Variants in RBM25 observed in about 807,000 individuals in gnomAD.
RBM25 encodes the protein RNA-binding protein 25.
RBM25 carries 19 observed loss-of-function variants against 120.7 expected under a neutral mutation model. The observed-to-expected ratio is 0.16, with a 90% confidence interval of 0.11 to 0.23. The LOEUF (loss-of-function observed/expected upper bound fraction) is 0.23. Ranked by LOEUF, RBM25 falls within the 10% of genes least tolerant of loss-of-function variation. The pLI, the probability that RBM25 is intolerant of heterozygous loss-of-function variation, is 1.00. For missense variants in RBM25, 605 were observed against 1,041.5 expected (o/e 0.58, Z 5.77); for synonymous variants, 390 against 326.7 (o/e 1.19, Z -2.09).
chr14:73,107,668 C>T, intron 12 of RBM25, 158 bp from the exon 13 acceptor site: 1 of 616,402 alleles, frequency 1.6e-6, no homozygotes, highest in Non-Finnish European at 2.8e-6. Flanking sequence ...TTGAAACGGC[C>T]ATGTTTGTCT....
intron 17 of RBM25, among the ~76,000 whole-genome samples, chr14:73,113,898 A>T (rs1189971171): frequency 6.6e-6 from 1 of 152,198 alleles, no homozygotes; most frequent in Non-Finnish European, 1.5e-5. Flanking sequence ...CTGAAAACAT[A>T]GTCTTAACTT....
chr14:73,096,541 A>G (rs1300324350), intron 6 of RBM25, among the ~76,000 whole-genome samples: 1 of 152,166 alleles, frequency 6.6e-6, no homozygotes, highest in Non-Finnish European at 1.5e-5. Context: ...TTAAAATTGT[A>G]TTTTGCCTTT....
intron 3 of RBM25, among the ~76,000 whole-genome samples, chr14:73,076,962 T>C (rs920789129): frequency 1.3e-5 from 2 of 152,212 alleles, no homozygotes; most frequent in African/African-American, 2.4e-5. Flanking sequence ...GCGCCTGTAA[T>C]CTCAGCTACT....
chr14:73,090,300 C>T (rs1024920476), intron 6 of RBM25, among the ~76,000 whole-genome samples: 2 of 152,112 alleles, frequency 1.3e-5, no homozygotes, highest in Non-Finnish European at 2.9e-5. Flanking sequence ...ATCCACCCAC[C>T]TCGGCCTCTC....
chr14:73,088,878 C>T (rs996471634), intron 6 of RBM25, among the ~76,000 whole-genome samples: 14 of 152,274 alleles, frequency 9.2e-5, no homozygotes, highest in Admixed American at 2.0e-4. Context: ...CGGTGGCTCA[C>T]GCCTGTAATC....
Position 73,097,202 on chromosome 14 carries a change from T to TC in RBM25, c.729+102_729+103insC. 1.3e-5 allele frequency: 9 copies of TC among 699,620 alleles called. No individual in the cohort carries two copies. The African/African-American group carries it at 1.5e-4, about 11-fold the overall frequency. The allele number at this position is 699,620 out of a possible 1,614,324, so 43.3% of individuals were successfully genotyped here. ...CAGTTTTCTTTTTTCTTTTCTTTTT[T>TC]TTTTTTTTTTTTTTTTGAGATGGAG... On this transcript the variant is annotated intron_variant, in intron 7 of 18. Coordinates refer to ENST00000261973, the MANE Select transcript of RBM25 (RefSeq NM_021239.3).
rs144903462 is a variant in RBM25 at position 73,107,007 on chromosome 14, T to C, written c.1467+722T>C. On this transcript the variant is annotated intron_variant, in intron 12 of 18. Transcript: ENST00000261973. ...GGCGTGTGCCACAACACCCAGCTAA[T>C]ATTTTGTATTTTTAGTAGAGACGGA... 6.7e-3 allele frequency among the ~76,000 whole-genome samples: 1,010 copies of C among 151,670 alleles called. 10 individuals carry two copies. Among genetic ancestry groups the C allele is most frequent in the African/African-American group, 0.023 (970 of 41,348 alleles).
intron 18 of RBM25, among the ~76,000 whole-genome samples, 153 bp from the exon 19 acceptor site, chr14:73,119,560 C>T (rs1475806972): frequency 2.0e-5 from 3 of 152,192 alleles, no homozygotes; most frequent in East Asian, 1.9e-4. Context: ...CCACCACACC[C>T]GGCCACTAAA....
Position 73,077,390 on chromosome 14 carries a change from A to G in RBM25, c.178A>G (p.Met60Val), listed in dbSNP as rs367557836. 9 of 1,612,850 alleles carry G rather than the reference A, an allele frequency of 5.6e-6. No homozygotes were observed. The highest frequency in any genetic ancestry group is 1.3e-5 in the African/African-American group (1 of 74,840). Residue 60 changes from methionine (M) to valine (V), a missense_variant, in exon 4 of 19, where the codon ATG (methionine) becomes GTG (valine). This residue lies in a region of RBM25 where 90 missense variants were observed against 107.3 expected (regional missense o/e 0.84). Coordinates refer to ENST00000261973, the MANE Select transcript of RBM25 (RefSeq NM_021239.3). ...TTAGGTCTTAGTACCCACTGTGTCT[A>G]TGGTTGGAAAGCATTTGGGCGCAAG... ...APTVLVPTVS[M>V]VGKHLGARKD...
rs781010315 is a variant in RBM25, at chr14:73,106,002, GAGA to G, written c.1305_1307del (p.Glu435del). The G allele has an allele frequency of 1.9e-6, 3 of 1,613,808 alleles. No individual in the cohort carries two copies. Among genetic ancestry groups the G allele is most frequent in the East Asian group, 2.2e-5 (1 of 44,888 alleles). On this transcript the variant is annotated inframe_deletion, in exon 11 of 19. Transcript: ENST00000261973. ...AGAGAAAAAGACAAAAAACGGGACC[GAGA>G]AGAAGATGAAGAAGATGCATACGAA...
intron 5 of RBM25, among the ~76,000 whole-genome samples, chr14:73,087,722 A>G (rs1054184498): frequency 6.6e-6 from 1 of 152,162 alleles, no homozygotes; most frequent in African/African-American, 2.4e-5. Flanking sequence ...CATGAATTTC[A>G]TTGACTCTGC....
At position 73,106,145 on chromosome 14, in the gene RBM25, A is replaced by G. The variant is rs1468875936; in HGVS notation, c.1378-51A>G. ...TCCCTTAATAGGTTAATCAATATTT[A>G]TAGAATGCTATGTATAAATTTTTAA... is the stretch of plus-strand genomic sequence containing the variant. On this transcript the variant is annotated intron_variant, in intron 11 of 18. Coordinates refer to ENST00000261973, the MANE Select transcript of RBM25 (RefSeq NM_021239.3). 5.7e-6 allele frequency: 9 copies of G among 1,581,168 alleles called. No individual in the cohort carries two copies. In the South Asian group the frequency reaches 7.1e-5, roughly 12 times the overall value.
chr14:73,094,283 T>C (rs1895886380), intron 6 of RBM25, among the ~76,000 whole-genome samples: 1 of 151,690 alleles, frequency 6.6e-6, no homozygotes, highest in Non-Finnish European at 1.5e-5. Context: ...TTATTGTTTT[T>C]TTTTTAAATA....
intron 6 of RBM25, among the ~76,000 whole-genome samples, chr14:73,094,596 T>C (rs1004725097): frequency 6.6e-6 from 1 of 151,594 alleles, no homozygotes; most frequent in Non-Finnish European, 1.5e-5. Flanking sequence ...CATGCCCGGC[T>C]AATTTTTTGT....
At chr14:73,111,236 T>G in intron 15 of RBM25, 81 bp downstream of exon 15, 1 of 1,209,284 alleles carries the variant, frequency 8.3e-7, no homozygotes, top group South Asian at 1.6e-5. Flanking sequence ...AGAAAAAAAT[T>G]TATATTTGTG....
At position 73,112,225 on chromosome 14, in the gene RBM25, C is replaced by T. The variant is rs1305448355; in HGVS notation, c.2366C>T (p.Thr789Ile). Residue 789 changes from threonine to isoleucine, a missense_variant, in exon 17 of 19, where the codon ACA (threonine) becomes ATA (isoleucine). Transcript: ENST00000261973. ...GAATATATAGGTGAAGAAGAAGCTA[C>T]ATTAGTTGATTTTGTTTGTTCTAAG... ...IIEYIGEEEA[T>I]LVDFVCSKVM... The T allele has an allele frequency of 6.2e-7, 1 of 1,605,074 alleles. No individual in the cohort carries two copies. Among genetic ancestry groups the T allele is most frequent in the Non-Finnish European group, 8.5e-7 (1 of 1,177,746 alleles).
chr14:73,080,318 G>A (rs777346039), intron 4 of RBM25, among the ~76,000 whole-genome samples: 4 of 144,116 alleles, frequency 2.8e-5, no homozygotes, highest in Non-Finnish European at 5.9e-5. Flanking sequence ...CCGCCTCCTG[G>A]GTTCATGACA....
chr14:73,118,966 G>A (rs560018707), intron 18 of RBM25, among the ~76,000 whole-genome samples: 28 of 151,182 alleles, frequency 1.9e-4, no homozygotes, highest in African/African-American at 2.4e-4. Context: ...ATGGGGTTTC[G>A]TCATGTTGGC....
chr14:73,104,209 T>C (rs1450904031), intron 10 of RBM25, among the ~76,000 whole-genome samples: 1 of 151,978 alleles, frequency 6.6e-6, no homozygotes, highest in Non-Finnish European at 1.5e-5. Context: ...TAGCACCACG[T>C]CTTTTTAGCC....
Sources: gnomAD v4.1 joint callset for allele counts (sites outside exome capture counted in the v4.1 genomes callset) on GRCh38, gnomAD v4.1.1 for gene constraint, gnomAD v4.1.1 regional missense constraint, MANE v1.5 for transcripts, NCBI Gene and HGNC (gene_info 2026-07-23, HGNC 2026-07-21) for gene names.